Variants in RTN4IP1 observed in about 807,000 individuals in gnomAD.
The protein encoded by RTN4IP1 is reticulon 4 interacting protein 1, also known as NAD(P)H oxidoreductase RTN4IP1, mitochondrial.
RTN4IP1 carries 32 observed loss-of-function variants against 46.6 expected under a neutral mutation model. The ratio of observed to expected loss-of-function variants is 0.69; its 90% CI spans 0.52 to 0.92. The LOEUF is 0.92. Among genes scored for constraint, RTN4IP1 ranks in the 40% least tolerant of loss-of-function variants. The pLI is 0.00. For missense variants in RTN4IP1, 424 were observed against 485.8 expected (o/e 0.87, Z 1.20); for synonymous variants, 167 against 161.8 (o/e 1.03, Z -0.24).
intron 6 of RTN4IP1, among the ~76,000 whole-genome samples, chr6:106,590,499 G>A (rs952603835): frequency 1.3e-5 from 2 of 151,746 alleles, no homozygotes; most frequent in Admixed American, 6.6e-5. Context: ...GGTGGATCAC[G>A]GGGTCAGGAG....
chr6:106,629,776 C>G, upstream of RTN4IP1: 1 of 1,552,016 alleles, frequency 6.4e-7, no homozygotes, highest in South Asian at 1.2e-5. Context: ...ACAAAGAGTC[C>G]CTGGGCCTTA....
At chr6:106,610,946 A>C (rs1363261022) in intron 4 of RTN4IP1, among the ~76,000 whole-genome samples, 1 of 152,072 alleles carries the variant, frequency 6.6e-6, no homozygotes, top group East Asian at 1.9e-4. Flanking sequence ...TCCATGACTG[A>C]GTCACTTTTT....
chr6:106,589,166 GGCGGTGGAGGAGGAGGA>G (rs1775561224), intron 6 of RTN4IP1, among the ~76,000 whole-genome samples: 1 of 50,886 alleles, frequency 2.0e-5, no homozygotes, highest in Non-Finnish European at 3.9e-5. Context: ...AGGAGGAGGA[GGCGGTGGAGGAGGAGGA>G]GGAGGGAGGA....
rs775022210 is a variant in RTN4IP1, at chr6:106,622,873, G to A, written c.371C>T (p.Ser124Phe). ...AAGCCCACATTCCATCACCACGCCA[G>A]AGACATCCCGACCCAGAGTCAGAGG... Reference protein sequence around the residue: ...EFPLTLGRDVSGVVMECGLDV... With the variant: ...EFPLTLGRDVFGVVMECGLDV... The change falls in exon 2 of 9, where the codon TCT (serine) becomes TTT (phenylalanine). Residue 124 changes from serine to phenylalanine, a missense_variant. Ser to Phe is a radical substitution (Grantham distance 155). Coordinates refer to ENST00000369063, the MANE Select transcript of RTN4IP1 (RefSeq NM_032730.5). 3 of 1,614,154 alleles carry A rather than the reference G, an allele frequency of 1.9e-6. No homozygotes were observed. In the South Asian group the frequency reaches 3.3e-5, roughly 18 times the overall value.
intron 8 of RTN4IP1, among the ~76,000 whole-genome samples, chr6:106,580,139 G>A (rs1273776733): frequency 4.0e-5 from 6 of 150,966 alleles, no homozygotes; most frequent in Non-Finnish European, 5.9e-5. Flanking sequence ...GTGTGAACCC[G>A]GGAGGCGGAG....
Position 106,571,928 on chromosome 6 carries a change from G to C in RTN4IP1, c.*68C>G. 9.4e-7 allele frequency: 1 copy of C among 1,059,620 alleles called. No individual in the cohort carries two copies. The highest frequency in any genetic ancestry group is 1.4e-6 in the Non-Finnish European group (1 of 690,230). 65.6% of individuals were successfully genotyped at this position (1,059,620 alleles called of 1,614,324 possible). ...GAAAAATGTTTGAAAGGGATGGCTA[G>C]AAAAAAATTTGGGCTCACAGGCACT... is the stretch of plus-strand genomic sequence containing the variant. On this transcript the variant is annotated 3_prime_UTR_variant, in exon 9 of 9. Transcript: ENST00000369063.
chr6:106,614,423 C>G, intron 4 of RTN4IP1, among the ~76,000 whole-genome samples: 1 of 152,080 alleles, frequency 6.6e-6, no homozygotes, highest in Non-Finnish European at 1.5e-5. Context: ...GAACATCTGA[C>G]TGGAACTCAG....
chr6:106,602,491 T>C (rs986678351), intron 5 of RTN4IP1, among the ~76,000 whole-genome samples: 2 of 152,182 alleles, frequency 1.3e-5, no homozygotes, highest in African/African-American at 4.8e-5. Flanking sequence ...TCCTATTAAA[T>C]TGCTAACTTC....
At chr6:106,592,734 G>A (rs1412470266) in intron 5 of RTN4IP1, among the ~76,000 whole-genome samples, 1 of 152,102 alleles carries the variant, frequency 6.6e-6, no homozygotes, top group African/African-American at 2.4e-5. Flanking sequence ...GACCAGCCTG[G>A]CCAACATGGT....
rs536026000 is a variant in RTN4IP1 at position 106,584,436 on chromosome 6, C to A, written c.991-1016G>T. ...CCCACAACTGCGAGGTGAGCTCAGA[C>A]TTCTTTGCCATTGAGCTTACACTCA... is the stretch of plus-strand genomic sequence containing the variant. On this transcript the variant is annotated intron_variant, in intron 7 of 8. Transcript: ENST00000369063. 5.9e-5 allele frequency among the ~76,000 whole-genome samples: 9 copies of A among 152,350 alleles called. No individual in the cohort carries two copies. In the East Asian group the frequency reaches 1.7e-3, roughly 29 times the overall value.
chr6:106,579,670 G>C (rs1775311293), intron 8 of RTN4IP1, among the ~76,000 whole-genome samples: 1 of 152,100 alleles, frequency 6.6e-6, no homozygotes, highest in Non-Finnish European at 1.5e-5. Context: ...GATTGACAGA[G>C]AGTGCTCATT....
At chr6:106,594,959 G>A (rs944497952) in intron 5 of RTN4IP1, among the ~76,000 whole-genome samples, 3 of 151,816 alleles carry the variant, frequency 2.0e-5, no homozygotes, top group Non-Finnish European at 4.4e-5. Flanking sequence ...GTCACACCAC[G>A]CCTGGCTAAT....
chr6:106,604,647 C>G (rs992946063), intron 4 of RTN4IP1, among the ~76,000 whole-genome samples: 1 of 152,150 alleles, frequency 6.6e-6, no homozygotes, highest in South Asian at 2.1e-4. Flanking sequence ...TGAAAGAAGA[C>G]TAGAGTAGGT....
At position 106,619,259 on chromosome 6, in the gene RTN4IP1, G is replaced by A; in HGVS notation, c.563C>T (p.Ala188Val). The change falls in exon 4 of 9, where the codon GCC becomes GTC. Residue 188 changes from alanine (A) to valine (V), a missense_variant. Ala to Val is a moderately conservative substitution (Grantham distance 64). Coordinates refer to ENST00000369063, the MANE Select transcript of RTN4IP1 (RefSeq NM_032730.5). ...AASLPYVALT[A>V]WSAINKVGGL... is the part of the protein sequence containing the mutation. ...ACCAACTTTGTTTATAGCAGACCAG[G>A]CTGTGAGAGCCACATATGGCAAAGA... is the stretch of plus-strand genomic sequence containing the variant. 1 of 1,614,172 alleles carries A rather than the reference G, an allele frequency of 6.2e-7. No individual in the cohort carries two copies. The highest frequency in any genetic ancestry group is 8.5e-7 in the Non-Finnish European group (1 of 1,180,006).
At chr6:106,580,867 A>G (rs1461623859) in intron 8 of RTN4IP1, among the ~76,000 whole-genome samples, 1 of 152,122 alleles carries the variant, frequency 6.6e-6, no homozygotes, top group Non-Finnish European at 1.5e-5. Flanking sequence ...TTTGCAAAAG[A>G]CTGAAATTAA....
At chr6:106,619,415 T>A in intron 3 of RTN4IP1, 89 bp from the exon 4 acceptor site, 1 of 1,480,516 alleles carries the variant, frequency 6.8e-7, no homozygotes, top group African/African-American at 1.4e-5. Context: ...GGAATCCAGC[T>A]GACCCTTGAA....
At chr6:106,616,713 T>C (rs943073021) in intron 4 of RTN4IP1, among the ~76,000 whole-genome samples, 4 of 152,368 alleles carry the variant, frequency 2.6e-5, no homozygotes, top group East Asian at 3.9e-4. Context: ...AATCTCATTA[T>C]AGAATTTCTT....
intron 6 of RTN4IP1, among the ~76,000 whole-genome samples, chr6:106,589,231 G>A (rs1303714138): frequency 7.6e-3 from 7 of 916 alleles, no homozygotes; most frequent in East Asian, 0.04. Context: ...GAGGGAGGAG[G>A]AGGGAGGGAG....
intron 4 of RTN4IP1, among the ~76,000 whole-genome samples, chr6:106,613,837 A>G (rs1194641819): frequency 6.6e-6 from 1 of 152,212 alleles, no homozygotes; most frequent in Non-Finnish European, 1.5e-5. Flanking sequence ...GACAAAACCT[A>G]GGTCTCTACA....
Sources: gnomAD v4.1 joint callset for allele counts (sites outside exome capture counted in the v4.1 genomes callset) on GRCh38, gnomAD v4.1.1 for gene constraint, MANE v1.5 for transcripts, NCBI Gene and HGNC (gene_info 2026-07-23, HGNC 2026-07-21) for gene names.